The following KCNK9 variants were observed in gnomAD, a reference collection of about 807,000 sequenced individuals.
KCNK9 encodes the protein potassium two pore domain channel subfamily K member 9, also known as potassium channel subfamily K member 9.
KCNK9 carries 1 observed loss-of-function variant against 10.8 expected under a neutral mutation model. The observed-to-expected ratio is 0.09, with a 90% confidence interval of 0.03 to 0.44. The LOEUF is 0.44. Among genes scored for constraint, KCNK9 ranks in the 20% least tolerant of loss-of-function variants. The pLI, the probability that KCNK9 is intolerant of heterozygous loss-of-function variation, is 0.97. For missense variants in KCNK9, 303 were observed against 515.0 expected (o/e 0.59, Z 3.98); for synonymous variants, 231 against 222.7 (o/e 1.04, Z -0.33).
chr8:139,613,607 T>G (rs1814495667), downstream of KCNK9, among the ~76,000 whole-genome samples: 1 of 152,210 alleles, frequency 6.6e-6, no homozygotes, highest in South Asian at 2.1e-4. Context: ...AATGCTTTTG[T>G]GGGTCAAATT....
chr8:139,663,683 TA>T (rs930812179), intron 1 of KCNK9, among the ~76,000 whole-genome samples: 3 of 74,420 alleles, frequency 4.0e-5, no homozygotes, highest in East Asian at 5.8e-4. Flanking sequence ...GTGTGTGTGT[TA>T]GAGAGAGAGA....
At chr8:139,608,816 T>C (rs998900451), downstream of KCNK9, among the ~76,000 whole-genome samples, 8 of 152,210 alleles carry the variant, frequency 5.3e-5, no homozygotes, top group Non-Finnish European at 7.4e-5. Flanking sequence ...GTGTGATTAG[T>C]AACAATCAAA....
At chr8:139,650,290 A>G (rs1815824553) in intron 1 of KCNK9, among the ~76,000 whole-genome samples, 1 of 152,202 alleles carries the variant, frequency 6.6e-6, no homozygotes, top group African/African-American at 2.4e-5. Flanking sequence ...CACTCACGTT[A>G]CTTCACAGCT....
chr8:139,610,907 G>A (rs1814403990), downstream of KCNK9, among the ~76,000 whole-genome samples: 3 of 152,368 alleles, frequency 2.0e-5, no homozygotes, highest in Middle Eastern at 3.4e-3. Context: ...CTGACGGTGG[G>A]ATGGAATCTG....
chr8:139,651,981 T>G (rs1401620257), intron 1 of KCNK9, among the ~76,000 whole-genome samples: 1 of 152,110 alleles, frequency 6.6e-6, no homozygotes, highest in Non-Finnish European at 1.5e-5. Flanking sequence ...CCTGCTGCAA[T>G]GAGAAGCACC....
intron 1 of KCNK9, among the ~76,000 whole-genome samples, chr8:139,664,565 T>G (rs1238913921): frequency 6.6e-6 from 1 of 152,130 alleles, no homozygotes; most frequent in Admixed American, 6.5e-5. Context: ...CAGAAGACGC[T>G]TAGCCACCAG....
At chr8:139,620,591 T>A (rs1333392632) in intron 1 of KCNK9, among the ~76,000 whole-genome samples, 1 of 152,096 alleles carries the variant, frequency 6.6e-6, no homozygotes, top group Non-Finnish European at 1.5e-5. Flanking sequence ...TGTGGCTCAG[T>A]CTGTCTGTCT....
chr8:139,627,066 G>T (rs1815001319), intron 1 of KCNK9, among the ~76,000 whole-genome samples: 1 of 152,198 alleles, frequency 6.6e-6, no homozygotes, highest in South Asian at 2.1e-4. Flanking sequence ...GAATCAGTGG[G>T]TCCCAAAGTC....
At chr8:139,679,408 C>A (rs989759441) in intron 1 of KCNK9, among the ~76,000 whole-genome samples, 1 of 152,230 alleles carries the variant, frequency 6.6e-6, no homozygotes, top group African/African-American at 2.4e-5. Flanking sequence ...AGGAGCCCTG[C>A]CAGCCGGGCC....
At chr8:139,634,856 G>C (rs1815291082) in intron 1 of KCNK9, among the ~76,000 whole-genome samples, 1 of 152,142 alleles carries the variant, frequency 6.6e-6, no homozygotes, top group Non-Finnish European at 1.5e-5. Flanking sequence ...CTCCGTGAGG[G>C]GACAAGGCCC....
intron 1 of KCNK9, among the ~76,000 whole-genome samples, chr8:139,624,577 C>T (rs1262646774): frequency 2.6e-5 from 4 of 152,310 alleles, no homozygotes; most frequent in African/African-American, 9.6e-5. Flanking sequence ...TGCCCAGGAC[C>T]AGGCAGGGTG....
Position 139,621,849 on chromosome 8 carries a change from G to A in KCNK9, c.284-2750C>T, listed in dbSNP as rs148340945. Among the ~76,000 whole-genome samples, 21 of 152,292 alleles carry A rather than the reference G, an allele frequency of 1.4e-4. 1 individual carries two copies. In the East Asian group the frequency reaches 4.0e-3, roughly 29 times the overall value. ...TACAAAAAAAGCCAGCTGGAATGCT[G>A]GAGAATAACAGGAGGTTGTTGGAAA... On this transcript the variant is annotated intron_variant, in intron 1 of 1. Coordinates refer to ENST00000520439, the MANE Select transcript of KCNK9 (RefSeq NM_001282534.2).
Position 139,635,924 on chromosome 8 carries a change from A to G in KCNK9, c.284-16825T>C, listed in dbSNP as rs540474716. ...GTGTGCTATCATATTGCCAATAAAA[A>G]TTCTTCATAAACATTTTTAATTCCT... is the stretch of plus-strand genomic sequence containing the variant. On this transcript the variant is annotated intron_variant, in intron 1 of 1. Transcript: ENST00000520439. Among the ~76,000 whole-genome samples the G allele has an allele frequency of 1.2e-4, 19 of 152,286 alleles. No individual in the cohort carries two copies. The South Asian group carries it at 2.9e-3, about 23-fold the overall frequency.
chr8:139,625,989 A>C (rs1203191599), intron 1 of KCNK9, among the ~76,000 whole-genome samples: 2 of 152,192 alleles, frequency 1.3e-5, no homozygotes, highest in African/African-American at 4.8e-5. Context: ...AGATACTCTA[A>C]GCACATGGGA....
chr8:139,606,524 G>C (rs1442849961), intron 2 of KCNK9, among the ~76,000 whole-genome samples: 1 of 152,156 alleles, frequency 6.6e-6, no homozygotes, highest in Non-Finnish European at 1.5e-5. Flanking sequence ...TCATTTTGAT[G>C]GGTGTGAGTT....
chr8:139,603,223 A>G (rs1817410805), intron 2 of KCNK9, among the ~76,000 whole-genome samples: 1 of 152,202 alleles, frequency 6.6e-6, no homozygotes, highest in Non-Finnish European at 1.5e-5. Flanking sequence ...AATATGCTCC[A>G]AAGTCTCCCA....
Position 139,618,934 on chromosome 8 carries a change from C to A in KCNK9, c.449G>T (p.Arg150Leu). 6.2e-7 allele frequency: 1 copy of A among 1,614,200 alleles called. No homozygotes were observed. Among genetic ancestry groups the A allele is most frequent in the Non-Finnish European group, 8.5e-7 (1 of 1,180,034 alleles). Residue 150 changes from arginine to leucine, a missense_variant, in exon 2 of 2, where the codon CGC (arginine) becomes CTC (leucine). By Grantham distance (102) the Arg-to-Leu change is moderately radical. Transcript: ENST00000520439. This position sits in a 1 kb window ranked among gnomAD's most constrained non-coding sequence, Gnocchi z 7.9. Reference protein sequence around the residue: ...LKRIKKCCGMRNTDVSMENMV... With the variant: ...LKRIKKCCGMLNTDVSMENMV... ...GTTCTCCATAGACACGTCAGTGTTG[C>A]GCATGCCACAGCACTTCTTAATGCG...
At chr8:139,630,606 G>T (rs1359444638) in intron 1 of KCNK9, among the ~76,000 whole-genome samples, 1 of 152,268 alleles carries the variant, frequency 6.6e-6, no homozygotes, top group African/African-American at 2.4e-5. Context: ...CCGCGGAGTG[G>T]CTTTGGGGTG....
chr8:139,671,896 C>A (rs1279507269), intron 1 of KCNK9, among the ~76,000 whole-genome samples: 1 of 152,148 alleles, frequency 6.6e-6, no homozygotes, highest in Non-Finnish European at 1.5e-5. Context: ...TCAAGGCTCC[C>A]CTGAGCGTGG....
Sources: gnomAD v4.1 joint callset for allele counts (sites outside exome capture counted in the v4.1 genomes callset) on GRCh38, gnomAD v4.1.1 for gene constraint, Gnocchi (gnomAD v3.1) non-coding constraint, MANE v1.5 for transcripts, NCBI Gene and HGNC (gene_info 2026-07-23, HGNC 2026-07-21) for gene names.